RIC8A: variants seen among roughly 807,000 people sequenced by gnomAD.
The protein encoded by RIC8A is chaperone Ric-8A.
Under a neutral mutation model 48.4 loss-of-function variants are expected in RIC8A, and 37 were observed. The observed-to-expected ratio is 0.77, with a 90% confidence interval of 0.59 to 1.01. RIC8A has a LOEUF of 1.01. Among genes scored for constraint, RIC8A ranks in the 50% least tolerant of loss-of-function variants. The pLI, the probability that RIC8A is intolerant of heterozygous loss-of-function variation, is 0.00. For synonymous variants in RIC8A, 288 were observed against 283.4 expected (o/e 1.02, Z -0.16); for missense variants, 681 against 696.8 (o/e 0.98, Z 0.25).
In RIC8A at chr11:211,121, G is replaced by C; in HGVS notation, c.819-78G>C. On this transcript the variant is annotated intron_variant, in intron 4 of 9. Coordinates refer to ENST00000526104, the MANE Select transcript of RIC8A (RefSeq NM_001286134.2). This position sits in a 1 kb window ranked among gnomAD's most constrained non-coding sequence, Gnocchi z 4.0. ...TCAGATGCCAGCTCATGTAATGTGT[G>C]GTTCAGCGGAGTCACAAAGATTGCA... The C allele has an allele frequency of 6.9e-7, 1 of 1,458,990 alleles. No individual in the cohort carries two copies. The highest frequency in any genetic ancestry group is 9.4e-7 in the Non-Finnish European group (1 of 1,068,620). 90.4% of individuals were successfully genotyped at this position (1,458,990 alleles called of 1,614,324 possible). A position where few individuals can be genotyped will look rare whatever the true frequency, so the allele number is the denominator to read the frequency against.
Position 208,968 on chromosome 11 carries a change from G to A in RIC8A, c.84+30G>A. On this transcript the variant is annotated intron_variant, in intron 1 of 9. Transcript: ENST00000526104. This position sits in a 1 kb window ranked among gnomAD's most constrained non-coding sequence, Gnocchi z 4.8. ...GCGGCCGCCTGAGGCCGGGGGGCGGGCACGGAGGGGGTGGGGCAGGGTCGT... is the reference window on the plus strand; with the variant it reads ...GCGGCCGCCTGAGGCCGGGGGGCGGACACGGAGGGGGTGGGGCAGGGTCGT... 7.6e-7 allele frequency: 1 copy of A among 1,310,442 alleles called. No individual in the cohort carries two copies. Among genetic ancestry groups the A allele is most frequent in the Non-Finnish European group, 1.1e-6 (1 of 924,352 alleles). 81.2% of individuals were successfully genotyped at this position (1,310,442 alleles called of 1,614,324 possible).
At position 214,950 on chromosome 11, in the gene RIC8A, G is replaced by A. The variant is rs1266701034; in HGVS notation, c.*600G>A. 2 of 171,880 alleles carry A rather than the reference G, an allele frequency of 1.2e-5. No homozygotes were observed. The highest frequency in any genetic ancestry group is 1.2e-4 in the South Asian group (1 of 8,332). 10.6% of individuals were successfully genotyped at this position (171,880 alleles called of 1,614,324 possible). A position where few individuals can be genotyped will look rare whatever the true frequency, so the allele number is the denominator to read the frequency against. ...GCCCACTGTAGTATCCACAGTGCCC[G>A]AGTTCTCGCTGGTTTTGGCAATTAA... On this transcript the variant is annotated 3_prime_UTR_variant, in exon 10 of 10. Coordinates refer to ENST00000526104, the MANE Select transcript of RIC8A (RefSeq NM_001286134.2).
intron 9 of RIC8A, 194 bp downstream of exon 9, chr11:213,612 C>T: frequency 1.5e-6 from 1 of 650,954 alleles, no homozygotes; most frequent in African/African-American, 1.8e-5. Context: ...CAGTATTGTG[C>T]CCCTTTTACA....
rs1348769345 is a variant in RIC8A, at chr11:212,778, G to A, written c.1210+19G>A. ...GAGAGTGGTGAGTTATGGAGACCCA[G>A]GTCCCAGCCCACCCCACCTCAGCCA... is the stretch of plus-strand genomic sequence containing the variant. On this transcript the variant is annotated intron_variant, in intron 7 of 9. Coordinates refer to ENST00000526104, the MANE Select transcript of RIC8A (RefSeq NM_001286134.2). 3.7e-6 allele frequency: 6 copies of A among 1,613,234 alleles called. No individual in the cohort carries two copies. Among genetic ancestry groups the A allele is most frequent in the Non-Finnish European group, 5.1e-6 (6 of 1,179,436 alleles).
In RIC8A at chr11:208,882, G is replaced by T. The variant is rs773902477; in HGVS notation, c.28G>T (p.Val10Leu). Reference sequence around the variant, plus strand: ...GGAGCCCCGGGCGGTTGCAGAAGCCGTGGAGACGGGTGAGGAGGATGTGAT... The same window carrying T: ...GGAGCCCCGGGCGGTTGCAGAAGCCTTGGAGACGGGTGAGGAGGATGTGAT... Reference protein sequence around the residue: MEPRAVAEAVETGEEDVIME... With the variant: MEPRAVAEALETGEEDVIME... The change falls in exon 1 of 10, where the codon GTG (valine) becomes TTG (leucine). Residue 10 changes from valine to leucine, a missense_variant. Transcript: ENST00000526104. The surrounding 1 kb of genome is among the most constrained non-coding windows in gnomAD (Gnocchi z 4.8). 5 of 1,611,104 alleles carry T rather than the reference G, an allele frequency of 3.1e-6. No individual in the cohort carries two copies. Among genetic ancestry groups the T allele is most frequent in the Non-Finnish European group, 4.2e-6 (5 of 1,179,214 alleles).
chr11:209,737 A>C lies in RIC8A; in HGVS notation c.463A>C (p.Ser155Arg), dbSNP rs1263698204. 2 of 1,613,934 alleles carry C rather than the reference A, an allele frequency of 1.2e-6. No individual in the cohort carries two copies. Among genetic ancestry groups the C allele is most frequent in the Non-Finnish European group, 1.7e-6 (2 of 1,179,980 alleles). ...GCGTGTGGGGCTGTACCGTGAGAGG[A>C]GCTTCCCCCACGATGTCCAGTTCTT... is the stretch of plus-strand genomic sequence containing the variant. ...TERVGLYRERSFPHDVQFFDL... is the reference protein window; with the variant it reads ...TERVGLYRERRFPHDVQFFDL... The change falls in exon 3 of 10, where the codon AGC becomes CGC. Residue 155 changes from serine (S) to arginine (R), a missense_variant. Coordinates refer to ENST00000526104, the MANE Select transcript of RIC8A (RefSeq NM_001286134.2).
rs376348210 is a variant in RIC8A, at chr11:212,373, G to C, written c.970-43G>C. The C allele has an allele frequency of 4.4e-6, 7 of 1,590,484 alleles. No homozygotes were observed. In the African/African-American group the frequency reaches 8.1e-5, roughly 18 times the overall value. The stretch of plus-strand genomic sequence containing the variant: ...AGGTGTAACTCTGTGCCAGTCACAA[G>C]TTAGGCAGGGGCATAGCCCCAGTGA... On this transcript the variant is annotated intron_variant, in intron 5 of 9. Coordinates refer to ENST00000526104, the MANE Select transcript of RIC8A (RefSeq NM_001286134.2).
rs370336674 is a variant in RIC8A, at chr11:209,293, A to G, written c.107A>G (p.Asp36Gly). The G allele has an allele frequency of 3.1e-5, 50 of 1,613,894 alleles. No individual in the cohort carries two copies. In the East Asian group the frequency reaches 6.2e-4, roughly 20 times the overall value. The change falls in exon 2 of 10, where the codon GAT becomes GGT. Residue 36 changes from aspartate to glycine, a missense_variant. By Grantham distance (94) the Asp-to-Gly change is moderately conservative (BLOSUM62 -1). Transcript: ENST00000526104. ...CAGCACTCCCAGAGCTTCACGTTTG[A>G]TGATGCCCAACAGGAGGACCGGAAG... ...NQEHSQSFTF[D>G]DAQQEDRKRL...
At position 211,522 on chromosome 11, in the gene RIC8A, C is replaced by A; in HGVS notation, c.969+173C>A. 1 of 630,732 alleles carries A rather than the reference C, an allele frequency of 1.6e-6. No homozygotes were observed. The highest frequency in any genetic ancestry group is 2.6e-6 in the Non-Finnish European group (1 of 381,404). The allele number at this position is 630,732 out of a possible 1,614,324, so 39.1% of individuals were successfully genotyped here. Reference sequence around the variant, plus strand: ...TGGTCCAGCCTGGCAAGAAGCCAGACCCTTCCTCCATGAGAAGCATGTGGA... The same window carrying A: ...TGGTCCAGCCTGGCAAGAAGCCAGAACCTTCCTCCATGAGAAGCATGTGGA... On this transcript the variant is annotated intron_variant, in intron 5 of 9. Coordinates refer to ENST00000526104, the MANE Select transcript of RIC8A (RefSeq NM_001286134.2). This position sits in a 1 kb window ranked among gnomAD's most constrained non-coding sequence, Gnocchi z 4.0.
At position 209,290 on chromosome 11, in the gene RIC8A, T is replaced by C; in HGVS notation, c.104T>C (p.Phe35Ser). The C allele has an allele frequency of 6.2e-7, 1 of 1,613,980 alleles. No individual in the cohort carries two copies. Among genetic ancestry groups the C allele is most frequent in the South Asian group, 1.1e-5 (1 of 91,070 alleles). ...CTGCAGCACTCCCAGAGCTTCACGTTTGATGATGCCCAACAGGAGGACCGG... is the reference window on the plus strand; with the variant it reads ...CTGCAGCACTCCCAGAGCTTCACGTCTGATGATGCCCAACAGGAGGACCGG... Reference protein sequence around the residue: ...YNQEHSQSFTFDDAQQEDRKR... With the variant: ...YNQEHSQSFTSDDAQQEDRKR... Residue 35 changes from phenylalanine (F) to serine (S), a missense_variant, in exon 2 of 10, where the codon TTT becomes TCT. Phe to Ser is a radical substitution (Grantham distance 155). Coordinates refer to ENST00000526104, the MANE Select transcript of RIC8A (RefSeq NM_001286134.2).
At chr11:210,064 TC>T in intron 3 of RIC8A, 64 bp downstream of exon 3, 1 of 1,367,574 alleles carries the variant, frequency 7.3e-7, no homozygotes, top group East Asian at 2.4e-5. Context: ...TGGACCTGCT[TC>T]CTACTGGGTA....
chr11:211,264 C>T lies in RIC8A; in HGVS notation c.884C>T (p.Pro295Leu). ...KCLDVLLTLE[P>L]HGDSTEFMGV... ...CTGGATGTTCTCCTCACCCTGGAGC[C>T]ACATGGAGACTCCACGGAGTTCATG... The change falls in exon 5 of 10, where the codon CCA becomes CTA. Residue 295 changes from proline to leucine, a missense_variant. By Grantham distance (98) the Pro-to-Leu change is moderately conservative (BLOSUM62 -3). Coordinates refer to ENST00000526104, the MANE Select transcript of RIC8A (RefSeq NM_001286134.2). The surrounding 1 kb of genome is among the most constrained non-coding windows in gnomAD (Gnocchi z 4.0). 1 of 1,614,168 alleles carries T rather than the reference C, an allele frequency of 6.2e-7. No homozygotes were observed. The highest frequency in any genetic ancestry group is 1.1e-5 in the South Asian group (1 of 91,086).
chr11:212,662 G>A lies in RIC8A; in HGVS notation c.1113G>A (p.Glu371=), dbSNP rs1371652186. 2 of 1,614,012 alleles carry A rather than the reference G, an allele frequency of 1.2e-6. No individual in the cohort carries two copies. Among genetic ancestry groups the A allele is most frequent in the Non-Finnish European group, 1.7e-6 (2 of 1,180,034 alleles). ...TGAGGACACGGCCTGAGGTTGGGGAGATGCTGCGGAACAAGCTTGTCCGCC... is the reference window on the plus strand; with the variant it reads ...TGAGGACACGGCCTGAGGTTGGGGAAATGCTGCGGAACAAGCTTGTCCGCC... The part of the protein sequence containing the change: ...RDVRTRPEVG[E]MLRNKLVRLM... Residue 371 remains glutamate, a synonymous_variant, in exon 7 of 10, where the codon GAG becomes GAA. Coordinates refer to ENST00000526104, the MANE Select transcript of RIC8A (RefSeq NM_001286134.2).
At position 210,594 on chromosome 11, in the gene RIC8A, C is replaced by G. The variant is rs371083990; in HGVS notation, c.750C>G (p.His250Gln). The G allele has an allele frequency of 4.3e-6, 7 of 1,614,154 alleles. No individual in the cohort carries two copies. Among genetic ancestry groups the G allele is most frequent in the Non-Finnish European group, 5.9e-6 (7 of 1,180,038 alleles). Residue 250 changes from histidine to glutamine, a missense_variant, in exon 4 of 10, where the codon CAC (histidine) becomes CAG (glutamine). Transcript: ENST00000526104. ...AGGAAGACGCTGCCCTTTACCGACA[C>G]CTGGGGACCCTTCTCCGGCACTGTG... is the stretch of plus-strand genomic sequence containing the variant. ...VDEEDAALYR[H>Q]LGTLLRHCVM...
intron 1 of RIC8A, 145 bp from the exon 2 acceptor site, chr11:209,126 G>C: frequency 9.1e-7 from 1 of 1,102,948 alleles, no homozygotes. Flanking sequence ...TGGGTGGCAG[G>C]CGTGTAGGGA....
rs1855345725 is a variant in RIC8A, at chr11:211,119, G to A, written c.819-80G>A. 3 of 1,453,476 alleles carry A rather than the reference G, an allele frequency of 2.1e-6. No homozygotes were observed. Among genetic ancestry groups the A allele is most frequent in the Non-Finnish European group, 2.8e-6 (3 of 1,064,068 alleles). The allele number at this position is 1,453,476 out of a possible 1,614,324, so 90.0% of individuals were successfully genotyped here. On this transcript the variant is annotated intron_variant, in intron 4 of 9. Transcript: ENST00000526104. This position sits in a 1 kb window ranked among gnomAD's most constrained non-coding sequence, Gnocchi z 4.0. Reference sequence around the variant, plus strand: ...ACTCAGATGCCAGCTCATGTAATGTGTGGTTCAGCGGAGTCACAAAGATTG... The same window carrying A: ...ACTCAGATGCCAGCTCATGTAATGTATGGTTCAGCGGAGTCACAAAGATTG...
In RIC8A at chr11:214,421, G is replaced by C. The variant is rs3216; in HGVS notation, c.*71G>C. On this transcript the variant is annotated 3_prime_UTR_variant, in exon 10 of 10. Coordinates refer to ENST00000526104, the MANE Select transcript of RIC8A (RefSeq NM_001286134.2). ...AGAGACTTCCTTGGGGTTGCAACCT[G>C]GGGAAGCCACATCCCACTGGATCCA... 0.2 allele frequency: 303,464 copies of C among 1,542,762 alleles called. 31,115 individuals are homozygous for C. Among genetic ancestry groups the C allele is most frequent in the Middle Eastern group, 0.23 (1,356 of 5,980 alleles).
Position 209,500 on chromosome 11 carries a change from G to C in RIC8A, c.226G>C (p.Asp76His), listed in dbSNP as rs1431938675. The change falls in exon 3 of 10, where the codon GAC becomes CAC. Residue 76 changes from aspartate to histidine, a missense_variant. Transcript: ENST00000526104. ...WLQSVRILSR[D>H]RNCLDPFTSR... ...GCAGAGTGTCCGAATCCTGTCCCGG[G>C]ACCGCAACTGCCTGGACCCGTTCAC... is the stretch of plus-strand genomic sequence containing the variant. The C allele has an allele frequency of 6.2e-7, 1 of 1,612,858 alleles. No individual in the cohort carries two copies. The highest frequency in any genetic ancestry group is 8.5e-7 in the Non-Finnish European group (1 of 1,179,260).
chr11:209,064 CG>C (rs1855272397), intron 1 of RIC8A, 126 bp downstream of exon 1: 7 of 1,013,882 alleles, frequency 6.9e-6, no homozygotes, highest in Non-Finnish European at 9.0e-6. Flanking sequence ...CGGCGGGGTG[CG>C]GGGGGCAGGT....
Sources: allele counts gnomAD v4.1 joint callset, GRCh38; gene constraint gnomAD v4.1.1; non-coding constraint Gnocchi (gnomAD v3.1); transcripts MANE v1.5; gene names NCBI Gene and HGNC (gene_info 2026-07-23, HGNC 2026-07-21).